DPYD: variants seen among roughly 807,000 people sequenced by gnomAD.
DPYD encodes dihydropyrimidine dehydrogenase [NADP(+)].
DPYD carries 109 observed loss-of-function variants against 116.2 expected under a neutral mutation model. That is an observed-to-expected ratio of 0.94 (90% CI 0.80 to 1.10). The LOEUF (loss-of-function observed/expected upper bound fraction) is 1.10. Ranked by LOEUF, DPYD falls within the 50% of genes least tolerant of loss-of-function variation. The pLI, the probability that DPYD is intolerant of heterozygous loss-of-function variation, is 0.00. For synonymous variants in DPYD, 440 were observed against 432.0 expected (o/e 1.02, Z -0.23); for missense variants, 1,302 against 1,254.5 (o/e 1.04, Z -0.57).
At chr1:97,757,940 C>T (rs1030466611) in intron 3 of DPYD, among the ~76,000 whole-genome samples, 2 of 152,144 alleles carry the variant, frequency 1.3e-5, no homozygotes, top group Non-Finnish European at 1.5e-5. Context: ...TGGCGCTAAC[C>T]ATTTCTTTTG....
intron 16 of DPYD, chr1:97,322,634 G>C (rs1261212367): frequency 6.6e-6 from 1 of 151,924 alleles, no homozygotes; most frequent in African/African-American, 2.4e-5. Context: ...ACACTCATGT[G>C]GTGGTTTATA....
chr1:97,243,010 ATTC>A (rs1003715138), intron 18 of DPYD, among the ~76,000 whole-genome samples: 3 of 151,992 alleles, frequency 2.0e-5, no homozygotes, highest in Admixed American at 1.3e-4. Context: ...TGGTTTTATT[ATTC>A]TTATTTTTAT....
intron 4 of DPYD, among the ~76,000 whole-genome samples, chr1:97,728,373 C>T (rs981040199): frequency 3.9e-5 from 6 of 151,980 alleles, no homozygotes; most frequent in African/African-American, 1.2e-4. Context: ...CTATACTTTG[C>T]TTTTTATTTA....
chr1:97,476,303 A>G (rs1426847505), intron 13 of DPYD, among the ~76,000 whole-genome samples: 1 of 152,210 alleles, frequency 6.6e-6, no homozygotes, highest in African/African-American at 2.4e-5. Context: ...TGCTGCTGGG[A>G]AGAGTAAAAT....
At chr1:97,820,112 A>G (rs1668844270) in intron 3 of DPYD, among the ~76,000 whole-genome samples, 1 of 152,130 alleles carries the variant, frequency 6.6e-6, no homozygotes, top group African/African-American at 2.4e-5. Flanking sequence ...TTAAAGTATC[A>G]GTGTAATTCA....
rs563604425 is a variant in DPYD at position 97,714,532 on chromosome 1, T to C, written c.483+6978A>G. ...CCCATATAGACCCCTTCTAAGGCCT[T>C]GTATTTAAATTTTTCAGTAGTGCTG... On this transcript the variant is annotated intron_variant, in intron 5 of 22. Coordinates refer to ENST00000370192, the MANE Select transcript of DPYD (RefSeq NM_000110.4). 2.6e-5 allele frequency among the ~76,000 whole-genome samples: 4 copies of C among 151,858 alleles called. No individual in the cohort carries two copies. The South Asian group carries it at 8.3e-4, about 31-fold the overall frequency.
chr1:97,655,510 G>A (rs916981572), intron 8 of DPYD, among the ~76,000 whole-genome samples: 1 of 152,140 alleles, frequency 6.6e-6, no homozygotes, highest in African/African-American at 2.4e-5. Flanking sequence ...CAAAGTAATA[G>A]AAGTAATTTC....
At chr1:97,604,523 T>A (rs1301939870) in intron 8 of DPYD, among the ~76,000 whole-genome samples, 3 of 152,078 alleles carry the variant, frequency 2.0e-5, no homozygotes, top group Admixed American at 1.3e-4. Context: ...AAATTTATTT[T>A]ATTTTACTCT....
chr1:97,906,937 T>A (rs1481307483), intron 1 of DPYD, among the ~76,000 whole-genome samples: 2 of 152,084 alleles, frequency 1.3e-5, no homozygotes, highest in African/African-American at 4.8e-5. Flanking sequence ...ATCACTACTG[T>A]TGCACTCTAG....
rs551637674 is a variant in DPYD, at chr1:97,703,135, A to AT, written c.484-3589dup. 4.6e-5 allele frequency among the ~76,000 whole-genome samples: 7 copies of AT among 152,010 alleles called. No homozygotes were observed. In the South Asian group the frequency reaches 1.4e-3, roughly 31 times the overall value. ...ATCCCTTTGCCTGCTCTGTTCTGGA[A>AT]TTTTTTCTTTACAACTTTTTATTGC... On this transcript the variant is annotated intron_variant, in intron 5 of 22. Coordinates refer to ENST00000370192, the MANE Select transcript of DPYD (RefSeq NM_000110.4).
At chr1:97,334,154 G>A (rs1669169288) in intron 16 of DPYD, among the ~76,000 whole-genome samples, 1 of 152,232 alleles carries the variant, frequency 6.6e-6, no homozygotes, top group East Asian at 1.9e-4. Flanking sequence ...TATCCCTCAT[G>A]AATATCTAAG....
chr1:97,779,316 T>TAC (rs34698824), intron 3 of DPYD, among the ~76,000 whole-genome samples: 104,896 of 144,456 alleles, frequency 0.73, 37,191 homozygotes, highest in East Asian at 0.92. Context: ...CACACACACA[T>TAC]ACACACACAC....
At chr1:97,284,623 C>A (rs1665544883) in intron 18 of DPYD, among the ~76,000 whole-genome samples, 1 of 152,002 alleles carries the variant, frequency 6.6e-6, no homozygotes, top group Admixed American at 6.6e-5. Flanking sequence ...AGTTTTAGAT[C>A]AATTTCATTT....
intron 19 of DPYD, among the ~76,000 whole-genome samples, chr1:97,208,240 TTCTTTC>T (rs1659791756): frequency 6.6e-6 from 1 of 151,376 alleles, no homozygotes; most frequent in Non-Finnish European, 1.5e-5. Context: ...TTTCTCTTTC[TTCTTTC>T]TCTTTCTTTC....
At chr1:97,702,277 T>A (rs2100979534) in intron 5 of DPYD, among the ~76,000 whole-genome samples, 1 of 151,534 alleles carries the variant, frequency 6.6e-6, no homozygotes, top group Admixed American at 6.6e-5. Context: ...ATTTTTTATA[T>A]TTCCCCAAAG....
intron 20 of DPYD, among the ~76,000 whole-genome samples, chr1:97,114,186 C>T (rs1651799859): frequency 6.6e-6 from 1 of 152,052 alleles, no homozygotes; most frequent in South Asian, 2.1e-4. Flanking sequence ...GTGACTATCA[C>T]AAAGAAAGAG....
intron 8 of DPYD, among the ~76,000 whole-genome samples, chr1:97,598,601 A>AAGGG (rs1241646412): frequency 1.4e-5 from 2 of 144,100 alleles, no homozygotes; most frequent in South Asian, 2.5e-4. Context: ...TCTGAAAAAG[A>AAGGG]AGGGAGGGAG....
intron 8 of DPYD, among the ~76,000 whole-genome samples, chr1:97,612,812 G>GT (rs1656030097): frequency 6.6e-6 from 1 of 151,922 alleles, no homozygotes; most frequent in East Asian, 1.9e-4. Context: ...TGCCCCCAGT[G>GT]CTGAGCAAGA....
chr1:97,160,923 T>A (rs984151481), intron 20 of DPYD, among the ~76,000 whole-genome samples: 1 of 152,182 alleles, frequency 6.6e-6, no homozygotes, highest in Admixed American at 6.6e-5. Context: ...AGGATAGCCT[T>A]AGTTAACTTG....
Sources: allele counts gnomAD v4.1 joint callset (sites outside exome capture counted in the v4.1 genomes callset), GRCh38; gene constraint gnomAD v4.1.1; transcripts MANE v1.5; gene names NCBI Gene and HGNC (gene_info 2026-07-23, HGNC 2026-07-21).